The following TTC8 variants were observed in gnomAD, a reference collection of about 807,000 sequenced individuals.
The protein encoded by TTC8 is tetratricopeptide repeat protein 8.
A neutral mutation model predicts 72.5 loss-of-function variants in TTC8; 47 were observed. The ratio of observed to expected loss-of-function variants is 0.65; its 90% CI spans 0.51 to 0.83. The LOEUF (loss-of-function observed/expected upper bound fraction) is 0.83, where lower values mean the gene tolerates loss of function less well. Ranked by LOEUF, TTC8 falls within the 40% of genes least tolerant of loss-of-function variation. The pLI, the probability that TTC8 is intolerant of heterozygous loss-of-function variation, is 0.00. For missense variants in TTC8, 611 were observed against 623.2 expected (o/e 0.98, Z 0.21); for synonymous variants, 199 against 221.4 (o/e 0.90, Z 0.90).
intron 10 of TTC8, among the ~76,000 whole-genome samples, chr14:88,862,327 T>C (rs1281621437): frequency 6.6e-6 from 1 of 151,452 alleles, no homozygotes; most frequent in African/African-American, 2.4e-5. Context: ...ATATTTAAAT[T>C]GGATTGCTTG....
intron 9 of TTC8, among the ~76,000 whole-genome samples, chr14:88,859,633 A>G (rs1458878969): frequency 6.6e-6 from 1 of 151,820 alleles, no homozygotes; most frequent in East Asian, 1.9e-4. Context: ...CTATATAACA[A>G]ACCTGCACAT....
intron 10 of TTC8, among the ~76,000 whole-genome samples, chr14:88,862,538 CT>C (rs1297968639): frequency 7.3e-5 from 5 of 68,876 alleles, no homozygotes; most frequent in Non-Finnish European, 1.4e-4. Flanking sequence ...CTCTCTCTCT[CT>C]CCATATATAT....
chr14:88,866,339 C>T (rs1212539337), intron 10 of TTC8, among the ~76,000 whole-genome samples: 1 of 151,750 alleles, frequency 6.6e-6, no homozygotes, highest in Non-Finnish European at 1.5e-5. Context: ...TTGATTTCCT[C>T]AAACTACACA....
chr14:88,840,449 A>G (rs2094774740), intron 3 of TTC8, among the ~76,000 whole-genome samples: 1 of 152,158 alleles, frequency 6.6e-6, no homozygotes, highest in Non-Finnish European at 1.5e-5. Context: ...TTTAGAATTA[A>G]AAATATCTAA....
chr14:88,873,999 A>G (rs2094946493), intron 13 of TTC8, among the ~76,000 whole-genome samples: 1 of 152,206 alleles, frequency 6.6e-6, no homozygotes, highest in East Asian at 1.9e-4. Flanking sequence ...AAAGTAAGGA[A>G]GATAGATTTG....
At chr14:88,827,540 A>T (rs1352527405) in intron 1 of TTC8, among the ~76,000 whole-genome samples, 1 of 152,190 alleles carries the variant, frequency 6.6e-6, no homozygotes, top group Non-Finnish European at 1.5e-5. Flanking sequence ...GTTTAACTTG[A>T]TGTCATCTTA....
At chr14:88,877,161 T>C in intron 14 of TTC8, 133 bp from the exon 15 acceptor site, 1 of 696,360 alleles carries the variant, frequency 1.4e-6, no homozygotes, top group African/African-American at 1.8e-5. Context: ...TAGTTGTGGG[T>C]TTGTTAAAAA....
At chr14:88,851,613 T>C (rs2094834171) in intron 7 of TTC8, among the ~76,000 whole-genome samples, 1 of 152,196 alleles carries the variant, frequency 6.6e-6, no homozygotes, top group South Asian at 2.1e-4. Flanking sequence ...GCTGAAAATA[T>C]ATTTTTCTAG....
chr14:88,846,718 A>C (rs770800499), intron 7 of TTC8: 57 of 1,089,652 alleles, frequency 5.2e-5, no homozygotes, highest in Non-Finnish European at 7.3e-5. Context: ...TATTCTAAAG[A>C]TTCTAAGGGT....
intron 1 of TTC8, among the ~76,000 whole-genome samples, chr14:88,831,575 G>T (rs1264869655): frequency 6.6e-6 from 1 of 152,200 alleles, no homozygotes; most frequent in African/African-American, 2.4e-5. Flanking sequence ...CTTGCTCTGA[G>T]TGTTCTCATC....
At position 88,853,045 on chromosome 14, in the gene TTC8, A is replaced by T; in HGVS notation, c.699A>T (p.Lys233Asn). 1 of 1,612,596 alleles carries T rather than the reference A, an allele frequency of 6.2e-7. No individual in the cohort carries two copies. Among genetic ancestry groups the T allele is most frequent in the South Asian group, 1.1e-5 (1 of 91,072 alleles). Reference sequence around the variant, plus strand: ...GGTGGTGGAAAGTACAGATTGGAAAATGTTACTACAGGTAAATTTCATTAT... The same window carrying T: ...GGTGGTGGAAAGTACAGATTGGAAATTGTTACTACAGGTAAATTTCATTAT... ...KDWWWKVQIGKCYYRLGMYRE... is the reference protein window; with the variant it reads ...KDWWWKVQIGNCYYRLGMYRE... The change falls in exon 8 of 15, where the codon AAA becomes AAT. Residue 233 changes from lysine to asparagine, a missense_variant. Transcript: ENST00000380656.
intron 10 of TTC8, among the ~76,000 whole-genome samples, chr14:88,869,801 TTC>T: frequency 6.6e-6 from 1 of 152,274 alleles, no homozygotes; most frequent in Middle Eastern, 3.4e-3. Flanking sequence ...CTCTCTCTCC[TTC>T]TCTGTTTCTC....
intron 1 of TTC8, among the ~76,000 whole-genome samples, chr14:88,831,825 C>T (rs1265711909): frequency 3.9e-5 from 6 of 152,146 alleles, no homozygotes; most frequent in Non-Finnish European, 7.3e-5. Context: ...AAATCATTGG[C>T]ACTCAATAAT....
At chr14:88,840,228 T>G (rs12880017) in intron 3 of TTC8, 48,211 of 155,986 alleles carry the variant, frequency 0.31, 7,771 homozygotes, top group Non-Finnish European at 0.37. Context: ...TCTTTGTTCC[T>G]TCTTCACTCC....
chr14:88,862,287 T>C (rs538055632), intron 10 of TTC8, among the ~76,000 whole-genome samples: 33 of 152,012 alleles, frequency 2.2e-4, no homozygotes, highest in Non-Finnish European at 3.8e-4. Flanking sequence ...ATGTCTTCTT[T>C]TGAGAAATGT....
chr14:88,831,149 G>A (rs975419720), intron 1 of TTC8: 3 of 232,326 alleles, frequency 1.3e-5, no homozygotes, highest in East Asian at 1.2e-4. Flanking sequence ...GCGACCCCTC[G>A]CTGCCCTCAC....
Position 88,826,936 on chromosome 14 carries a change from T to C in TTC8, c.114+2115T>C, listed in dbSNP as rs923243337. ...CAGGATGCACCCTAAAGGCTCTGAG[T>C]AGTTTTGAAGAAAAGGAAACTAATT... is the stretch of plus-strand genomic sequence containing the variant. On this transcript the variant is annotated intron_variant, in intron 1 of 14. Coordinates refer to ENST00000380656, the MANE Select transcript of TTC8 (RefSeq NM_144596.4). Among the ~76,000 whole-genome samples the C allele has an allele frequency of 1.8e-4, 27 of 152,142 alleles. 1 individual carries two copies. Among genetic ancestry groups the C allele is most frequent in the Admixed American group, 9.8e-4 (15 of 15,276 alleles).
intron 1 of TTC8, among the ~76,000 whole-genome samples, chr14:88,829,246 C>G (rs1221054486): frequency 6.6e-6 from 1 of 152,114 alleles, no homozygotes; most frequent in Non-Finnish European, 1.5e-5. Flanking sequence ...ATAACCAATT[C>G]ATAGAGAAGC....
rs1352676976 is a variant in TTC8, at chr14:88,877,772, T to C, written c.*362T>C. The C allele has an allele frequency of 2.2e-5, 4 of 181,358 alleles. No homozygotes were observed. The highest frequency in any genetic ancestry group is 3.5e-5 in the Non-Finnish European group (3 of 86,000). 11.2% of individuals were successfully genotyped at this position (181,358 alleles called of 1,614,324 possible). A position where few individuals can be genotyped will look rare whatever the true frequency, so the allele number is the denominator to read the frequency against. On this transcript the variant is annotated 3_prime_UTR_variant, in exon 15 of 15. Coordinates refer to ENST00000380656, the MANE Select transcript of TTC8 (RefSeq NM_144596.4). ...TCCTTAAGCTGACTCTTAGCCATCA[T>C]GTAGCTTAAGGAGTCTGAAATCTGC...
Sources: allele counts gnomAD v4.1 joint callset (sites outside exome capture counted in the v4.1 genomes callset), GRCh38; gene constraint gnomAD v4.1.1; transcripts MANE v1.5; gene names NCBI Gene and HGNC (gene_info 2026-07-23, HGNC 2026-07-21).